The following FYB1 variants were observed in gnomAD, a reference collection of about 807,000 sequenced individuals.
FYB1 encodes the protein FYN binding protein 1, also known as FYN-binding protein 1.
FYB1 carries 41 observed loss-of-function variants against 94.1 expected under a neutral mutation model. The observed-to-expected ratio is 0.44, with a 90% CI of 0.34 to 0.57. The LOEUF (loss-of-function observed/expected upper bound fraction) is 0.57, where lower values mean the gene tolerates loss of function less well. Ranked by LOEUF, FYB1 falls within the 20% of genes least tolerant of loss-of-function variation. FYB1 has a pLI of 0.02. For synonymous variants in FYB1, 367 were observed against 353.2 expected (o/e 1.04, Z -0.44); for missense variants, 1,050 against 976.8 (o/e 1.07, Z -1.00).
intron 1 of FYB1, among the ~76,000 whole-genome samples, chr5:39,231,078 G>A (rs557750504): frequency 1.2e-4 from 18 of 147,962 alleles, no homozygotes; most frequent in Non-Finnish European, 2.2e-4. Flanking sequence ...AGCAGGAAGA[G>A]CTATTAATCA....
chr5:39,268,693 G>A (rs1047751275), intron 1 of FYB1, among the ~76,000 whole-genome samples: 8 of 151,984 alleles, frequency 5.3e-5, no homozygotes, highest in Admixed American at 3.9e-4. Flanking sequence ...AGCCTCCCAA[G>A]TAGCTGGGGT....
At chr5:39,180,686 G>T (rs991912325) in intron 2 of FYB1, among the ~76,000 whole-genome samples, 1 of 152,162 alleles carries the variant, frequency 6.6e-6, no homozygotes, top group Admixed American at 6.5e-5. Context: ...GTAAAATGTG[G>T]TTGGTATTTC....
At chr5:39,244,647 G>A (rs1196351518) in intron 1 of FYB1, among the ~76,000 whole-genome samples, 1 of 152,096 alleles carries the variant, frequency 6.6e-6, no homozygotes, top group African/African-American at 2.4e-5. Flanking sequence ...GTATGATTCT[G>A]GCTTCATAAA....
At chr5:39,199,178 A>T (rs529600295) in intron 2 of FYB1, among the ~76,000 whole-genome samples, 1 of 152,126 alleles carries the variant, frequency 6.6e-6, no homozygotes, top group African/African-American at 2.4e-5. Flanking sequence ...ATAGAATTTC[A>T]GAATTTTAAA....
At chr5:39,142,861 A>G (rs1460904113) in intron 3 of FYB1, among the ~76,000 whole-genome samples, 2 of 152,180 alleles carry the variant, frequency 1.3e-5, no homozygotes, top group Non-Finnish European at 2.9e-5. Flanking sequence ...GGCCCTGGAC[A>G]GTATTGGCCA....
At chr5:39,176,914 G>A (rs927142720) in intron 2 of FYB1, among the ~76,000 whole-genome samples, 4 of 152,152 alleles carry the variant, frequency 2.6e-5, no homozygotes, top group African/African-American at 7.2e-5. Flanking sequence ...TGATAGGCAG[G>A]AGCAAAAACA....
chr5:39,165,400 T>C (rs1744630115), intron 2 of FYB1, among the ~76,000 whole-genome samples: 1 of 151,766 alleles, frequency 6.6e-6, no homozygotes, highest in Non-Finnish European at 1.5e-5. Context: ...AATGATACTC[T>C]ATTCAATAAA....
chr5:39,203,394 A>G (rs960678133), intron 1 of FYB1, among the ~76,000 whole-genome samples: 5 of 152,188 alleles, frequency 3.3e-5, no homozygotes, highest in African/African-American at 1.2e-4. Context: ...TTAAGTAGAA[A>G]CTACCTTTAA....
chr5:39,211,066 A>G (rs1220920875), intron 1 of FYB1: 2 of 152,218 alleles, frequency 1.3e-5, no homozygotes, highest in African/African-American at 2.4e-5. Flanking sequence ...ACATTTGTTT[A>G]GGATAATTCA....
intron 2 of FYB1, chr5:39,170,218 CT>C: frequency 1.1e-6 from 1 of 870,946 alleles, no homozygotes; most frequent in South Asian, 1.4e-5. Flanking sequence ...AGTATTTTTG[CT>C]ATATATGATG....
intron 2 of FYB1, among the ~76,000 whole-genome samples, chr5:39,197,015 G>T (rs1165305757): frequency 1.3e-5 from 2 of 152,180 alleles, no homozygotes; most frequent in Non-Finnish European, 2.9e-5. Flanking sequence ...GAGATGGAGG[G>T]TATATCTGGG....
chr5:39,162,672 C>G (rs187285230), intron 2 of FYB1, among the ~76,000 whole-genome samples: 1 of 150,164 alleles, frequency 6.7e-6, no homozygotes. Context: ...GCAACAGAGA[C>G]GCCATCTCAA....
At chr5:39,147,027 C>T (rs925637675) in intron 3 of FYB1, among the ~76,000 whole-genome samples, 4 of 151,968 alleles carry the variant, frequency 2.6e-5, no homozygotes, top group Non-Finnish European at 5.9e-5. Flanking sequence ...ACAATGGAAC[C>T]AGTCACAGCC....
intron 1 of FYB1, among the ~76,000 whole-genome samples, chr5:39,237,265 G>T (rs1267757911): frequency 1.3e-5 from 2 of 152,116 alleles, no homozygotes; most frequent in Non-Finnish European, 2.9e-5. Flanking sequence ...CAGTTAGGGG[G>T]ATGTTACAAT....
At chr5:39,148,602 C>T (rs557481972) in intron 3 of FYB1, among the ~76,000 whole-genome samples, 1 of 151,804 alleles carries the variant, frequency 6.6e-6, no homozygotes, top group African/African-American at 2.4e-5. Context: ...TATCTGGCAG[C>T]TGGCTACTGA....
At chr5:39,156,610 C>T (rs770604933) in intron 2 of FYB1, among the ~76,000 whole-genome samples, 3 of 152,224 alleles carry the variant, frequency 2.0e-5, no homozygotes, top group Non-Finnish European at 4.4e-5. Flanking sequence ...TGTTACACTA[C>T]TATGTGGCAG....
At chr5:39,222,903 G>A (rs558388182), upstream of FYB1, among the ~76,000 whole-genome samples, 24 of 152,040 alleles carry the variant, frequency 1.6e-4, no homozygotes, top group Non-Finnish European at 2.9e-4. Context: ...TCTGTGTTAT[G>A]TGTCTTATAA....
chr5:39,108,550 ACAT>A (rs1256859311), intron 17 of FYB1, among the ~76,000 whole-genome samples: 1 of 152,078 alleles, frequency 6.6e-6, no homozygotes, highest in Non-Finnish European at 1.5e-5. Context: ...AATGTACTAA[ACAT>A]CATGGTACAA....
intron 1 of FYB1, among the ~76,000 whole-genome samples, chr5:39,209,773 G>A (rs1749191297): frequency 6.6e-6 from 1 of 152,198 alleles, no homozygotes; most frequent in African/African-American, 2.4e-5. Flanking sequence ...TGATCCTGGC[G>A]CATCTCTTTC....
Sources: allele counts gnomAD v4.1 joint callset (sites outside exome capture counted in the v4.1 genomes callset), GRCh38; gene constraint gnomAD v4.1.1; transcripts MANE v1.5; gene names NCBI Gene and HGNC (gene_info 2026-07-23, HGNC 2026-07-21).